The following RBFOX1 variants were observed in gnomAD, a reference collection of about 807,000 sequenced individuals.
RBFOX1 encodes RNA binding fox-1 homolog 1, also known as RNA binding protein fox-1 homolog 1.
A neutral mutation model predicts 57.7 loss-of-function variants in RBFOX1; 8 were observed. The observed-to-expected ratio is 0.14, with a 90% CI of 0.08 to 0.25. The LOEUF is 0.25. Ranked by LOEUF, RBFOX1 falls within the 10% of genes least tolerant of loss-of-function variation. The probability of loss-of-function intolerance (pLI) is 1.00; values close to 1 mark genes in which losing one functional copy is unlikely to be tolerated. For missense variants in RBFOX1, 611 were observed against 548.5 expected (o/e 1.11, Z -1.14); for synonymous variants, 326 against 222.4 (o/e 1.47, Z -4.15).
At chr16:6,297,550 A>G (rs2078269730) in intron 1 of RBFOX1, among the ~76,000 whole-genome samples, 1 of 152,174 alleles carries the variant, frequency 6.6e-6, no homozygotes, top group African/African-American at 2.4e-5. Context: ...TGATTTGTAC[A>G]GTAGTCAGGG....
intron 4 of RBFOX1, among the ~76,000 whole-genome samples, chr16:7,453,773 G>C (rs758855960): frequency 6.6e-6 from 1 of 152,178 alleles, no homozygotes; most frequent in South Asian, 2.1e-4. Context: ...ACTGACTGAA[G>C]TGTTGGGCAC....
In RBFOX1 at chr16:5,731,363, A is replaced by G. The variant is rs575471786; in HGVS notation, c.318+132402A>G. Reference sequence around the variant, plus strand: ...TAATCACCATCATATTAATCAATTCATATTTACAAAGTACTTTCTTTGTCA... The same window carrying G: ...TAATCACCATCATATTAATCAATTCGTATTTACAAAGTACTTTCTTTGTCA... On this transcript the variant is annotated intron_variant, in intron 3 of 19. Transcript: ENST00000641259. 1.3e-3 allele frequency among the ~76,000 whole-genome samples: 205 copies of G among 152,310 alleles called. 1 individual carries two copies. Among genetic ancestry groups the G allele is most frequent in the Non-Finnish European group, 2.5e-3 (173 of 68,014 alleles).
At chr16:6,235,145 G>A (rs796960879) in intron 1 of RBFOX1, among the ~76,000 whole-genome samples, 2 of 152,202 alleles carry the variant, frequency 1.3e-5, no homozygotes, top group African/African-American at 4.8e-5. Context: ...TCAATTATTG[G>A]CCTGAAATTC....
chr16:5,377,535 G>A (rs538962327), intron 1 of RBFOX1, among the ~76,000 whole-genome samples: 3 of 147,792 alleles, frequency 2.0e-5, no homozygotes, highest in East Asian at 2.0e-4. Context: ...GAAGAAGGAC[G>A]GAGGTGAGGG....
intron 4 of RBFOX1, among the ~76,000 whole-genome samples, chr16:7,441,003 C>A (rs1458225276): frequency 6.6e-6 from 1 of 152,048 alleles, no homozygotes; most frequent in Non-Finnish European, 1.5e-5. Context: ...GATCATGCCA[C>A]TGTGCTTCAG....
At chr16:7,152,334 T>C (rs1022599228) in intron 4 of RBFOX1, among the ~76,000 whole-genome samples, 1 of 152,184 alleles carries the variant, frequency 6.6e-6, no homozygotes, top group Non-Finnish European at 1.5e-5. Context: ...ACAGAAGGGA[T>C]AATGGACAAA....
rs968230457 is a variant in RBFOX1, at chr16:5,887,283, C to T, written c.351+19948C>T. Among the ~76,000 whole-genome samples, 5 of 152,328 alleles carry T rather than the reference C, an allele frequency of 3.3e-5. No homozygotes were observed. The East Asian group carries it at 9.7e-4, about 29-fold the overall frequency. The stretch of plus-strand genomic sequence containing the variant: ...TCGTGGTACCTGGCCCTGGACACCA[C>T]AGCAGCCCCAGTGAATGTAACAACT... On this transcript the variant is annotated intron_variant, in intron 4 of 19. Coordinates refer to the RBFOX1 transcript ENST00000641259.
chr16:6,556,763 T>A (rs930684584), intron 2 of RBFOX1, among the ~76,000 whole-genome samples: 2 of 152,044 alleles, frequency 1.3e-5, no homozygotes, highest in Non-Finnish European at 2.9e-5. Context: ...GAAAATAAAT[T>A]AATAGTAAAT....
At chr16:7,319,015 A>T (rs2096495208) in intron 4 of RBFOX1, among the ~76,000 whole-genome samples, 1 of 152,228 alleles carries the variant, frequency 6.6e-6, no homozygotes, top group African/African-American at 2.4e-5. Flanking sequence ...AAAGTTGGGC[A>T]TCATTGGTAA....
At chr16:7,612,177 C>T (rs183405623) in intron 10 of RBFOX1, among the ~76,000 whole-genome samples, 114 of 151,834 alleles carry the variant, frequency 7.5e-4, no homozygotes, top group African/African-American at 2.6e-3. Context: ...AAAAATTAGC[C>T]GGGCGTGGTG....
At chr16:6,240,692 A>G (rs141148176) in intron 1 of RBFOX1, among the ~76,000 whole-genome samples, 1 of 151,956 alleles carries the variant, frequency 6.6e-6, no homozygotes, top group Admixed American at 6.6e-5. Flanking sequence ...CCTAAAAAAA[A>G]AATGCCATTG....
intron 3 of RBFOX1, among the ~76,000 whole-genome samples, chr16:5,675,214 TCACG>T (rs1395485763): frequency 6.6e-6 from 1 of 151,752 alleles, no homozygotes; most frequent in Non-Finnish European, 1.5e-5. Flanking sequence ...ATGCATGTAC[TCACG>T]CACACACACA....
chr16:6,986,942 G>A (rs370038062), intron 3 of RBFOX1, among the ~76,000 whole-genome samples: 6 of 152,054 alleles, frequency 3.9e-5, no homozygotes, highest in African/African-American at 1.4e-4. Flanking sequence ...TGCCCACCCC[G>A]CCTGCATTCC....
At chr16:7,709,458 C>CTT in intron 15 of RBFOX1, 5 of 1,385,888 alleles carry the variant, frequency 3.6e-6, no homozygotes, top group Non-Finnish European at 4.7e-6. Context: ...TTTTTTTTTT[C>CTT]TTTTTTTTTC....
chr16:7,273,689 A>G (rs1043589178), intron 4 of RBFOX1, among the ~76,000 whole-genome samples: 1 of 152,210 alleles, frequency 6.6e-6, no homozygotes, highest in African/African-American at 2.4e-5. Flanking sequence ...TGAAAGATGG[A>G]CCTTATTTTT....
At chr16:5,788,484 C>G (rs951990512) in intron 3 of RBFOX1, among the ~76,000 whole-genome samples, 4 of 152,064 alleles carry the variant, frequency 2.6e-5, no homozygotes, top group African/African-American at 9.7e-5. Context: ...CAAAATTTAG[C>G]TGGGCATGGT....
intron 2 of RBFOX1, among the ~76,000 whole-genome samples, chr16:6,453,784 G>A (rs552619776): frequency 6.6e-6 from 1 of 152,156 alleles, no homozygotes; most frequent in African/African-American, 2.4e-5. Context: ...TAAAAATTCA[G>A]TGCCTCACTG....
chr16:5,638,699 C>T (rs2048765441), intron 3 of RBFOX1, among the ~76,000 whole-genome samples: 1 of 152,146 alleles, frequency 6.6e-6, no homozygotes, highest in South Asian at 2.1e-4. Context: ...ATAGAATTTC[C>T]ATTCCCTGTC....
intron 4 of RBFOX1, among the ~76,000 whole-genome samples, chr16:5,962,759 GA>G (rs953697759): frequency 2.0e-5 from 3 of 151,616 alleles, no homozygotes; most frequent in African/African-American, 7.3e-5. Context: ...TCTGGATTAG[GA>G]ATTGGGTCAT....
Sources: allele counts gnomAD v4.1 joint callset (sites outside exome capture counted in the v4.1 genomes callset), GRCh38; gene constraint gnomAD v4.1.1; transcripts MANE v1.5; gene names NCBI Gene and HGNC (gene_info 2026-07-23, HGNC 2026-07-21).